The following MYO3B variants were observed in gnomAD, a reference collection of about 807,000 sequenced individuals.
The protein encoded by MYO3B is myosin-IIIb.
Under a neutral mutation model 174.6 loss-of-function variants are expected in MYO3B, and 156 were observed. The ratio of observed to expected loss-of-function variants is 0.89; its 90% CI spans 0.78 to 1.02. The LOEUF (loss-of-function observed/expected upper bound fraction) is 1.02, where lower values mean the gene tolerates loss of function less well. MYO3B is among the 50% of genes least tolerant of loss of function. MYO3B has a pLI of 0.00. For synonymous variants in MYO3B, 563 were observed against 569.1 expected, an observed-to-expected ratio of 0.99 and a Z score of 0.15; for missense variants, 1,632 against 1,639.4, an observed-to-expected ratio of 1.00 and a Z score of 0.08.
intron 29 of MYO3B, among the ~76,000 whole-genome samples, chr2:170,516,919 C>G (rs1225612801): frequency 4.6e-5 from 7 of 152,056 alleles, no homozygotes. Context: ...TTAACTCAAC[C>G]TATTCATACA....
rs566192976 is a variant in MYO3B at position 170,506,348 on chromosome 2, G to A, written c.3370+4483G>A. On this transcript the variant is annotated intron_variant, in intron 28 of 34. Transcript: ENST00000408978. ...TTTCTCCTAGCCTTTTCAAAAGGCT[G>A]TTTAAAAGGCTGTTTCCTTTAGCAT... Among the ~76,000 whole-genome samples the A allele has an allele frequency of 1.4e-4, 21 of 152,316 alleles. 1 individual carries two copies. In the South Asian group the frequency reaches 4.4e-3, roughly 32 times the overall value.
intron 3 of MYO3B, 88 bp from the exon 4 acceptor site, chr2:170,214,291 G>T (rs970678449): frequency 1.0e-6 from 1 of 1,001,206 alleles, no homozygotes; most frequent in Non-Finnish European, 1.5e-6. Flanking sequence ...CATTGAATCA[G>T]TATCAGTCGG....
chr2:170,335,648 T>G (rs1400275012), intron 8 of MYO3B, among the ~76,000 whole-genome samples, 198 bp downstream of exon 8: 1 of 152,228 alleles, frequency 6.6e-6, no homozygotes, highest in African/African-American at 2.4e-5. Flanking sequence ...TGACTCTCAG[T>G]TATAATAAGT....
intron 7 of MYO3B, among the ~76,000 whole-genome samples, chr2:170,257,364 A>G (rs1372423996): frequency 1.3e-5 from 2 of 152,278 alleles, no homozygotes; most frequent in African/African-American, 4.8e-5. Flanking sequence ...AAATTCAAAA[A>G]AATTGAAATA....
chr2:170,245,223 G>GT (rs1182935235), intron 7 of MYO3B, among the ~76,000 whole-genome samples: 1 of 152,170 alleles, frequency 6.6e-6, no homozygotes, highest in African/African-American at 2.4e-5. Context: ...CAATGTCTTA[G>GT]TCGTTAAAGG....
chr2:170,191,216 T>C lies in MYO3B; in HGVS notation c.3-7992T>C, dbSNP rs139772565. On this transcript the variant is annotated intron_variant, in intron 1 of 34. Transcript: ENST00000408978. ...CTGGTATCCAAGTTGCAAGACAAAGTCCTCTTTACTCTTCCCTCTCCTCTC... is the reference window on the plus strand; with the variant it reads ...CTGGTATCCAAGTTGCAAGACAAAGCCCTCTTTACTCTTCCCTCTCCTCTC... Among the ~76,000 whole-genome samples, 38 of 151,844 alleles carry C rather than the reference T, an allele frequency of 2.5e-4. No individual in the cohort carries two copies. In the East Asian group the frequency reaches 7.0e-3, roughly 28 times the overall value.
chr2:170,489,257 A>C (rs943466482), intron 25 of MYO3B, among the ~76,000 whole-genome samples: 1 of 152,210 alleles, frequency 6.6e-6, no homozygotes, highest in Non-Finnish European at 1.5e-5. Flanking sequence ...CTCAGGATCT[A>C]ATGTTTACTA....
chr2:170,312,653 T>C (rs2093747789), intron 7 of MYO3B, among the ~76,000 whole-genome samples: 1 of 152,272 alleles, frequency 6.6e-6, no homozygotes, highest in South Asian at 2.1e-4. Context: ...TAGAAATGTT[T>C]ATTTTGCAAT....
Position 170,259,290 on chromosome 2 carries a change from A to G in MYO3B, c.749+23154A>G, listed in dbSNP as rs72887573. Among the ~76,000 whole-genome samples the G allele has an allele frequency of 2.9e-3, 435 of 152,356 alleles. 5 individuals are homozygous for G. The highest frequency in any genetic ancestry group is 0.024 in the Middle Eastern group (7 of 294). ...AAGCAAAAAGAACACAGCCAGAGGC[A>G]TCACGTCACTCAACTTCAAACTATA... is the stretch of plus-strand genomic sequence containing the variant. On this transcript the variant is annotated intron_variant, in intron 7 of 34. Coordinates refer to ENST00000408978, the MANE Select transcript of MYO3B (RefSeq NM_138995.5).
chr2:170,332,125 T>A (rs997404613), intron 7 of MYO3B: 8 of 152,124 alleles, frequency 5.3e-5, no homozygotes, highest in African/African-American at 1.4e-4. Flanking sequence ...GGATATGGGG[T>A]TAAGGGAGAA....
intron 7 of MYO3B, among the ~76,000 whole-genome samples, chr2:170,239,528 A>G (rs1300331111): frequency 1.3e-5 from 2 of 152,230 alleles, no homozygotes; most frequent in Non-Finnish European, 2.9e-5. Flanking sequence ...GTCTCATCAC[A>G]CATTGAATAT....
chr2:170,230,647 CTTCT>C (rs933932729), intron 6 of MYO3B, among the ~76,000 whole-genome samples: 29 of 152,172 alleles, frequency 1.9e-4, no homozygotes, highest in African/African-American at 6.3e-4. Flanking sequence ...ATAAAATTCG[CTTCT>C]TTCTATTATA....
At chr2:170,403,867 C>T (rs113145161) in intron 19 of MYO3B, among the ~76,000 whole-genome samples, 2,115 of 152,258 alleles carry the variant, frequency 0.014, 62 homozygotes, top group African/African-American at 0.048. Flanking sequence ...AGTTTTCCAA[C>T]CCTAGATGAT....
At chr2:170,622,839 T>C (rs962982450) in intron 32 of MYO3B, among the ~76,000 whole-genome samples, 4 of 151,740 alleles carry the variant, frequency 2.6e-5, no homozygotes, top group Admixed American at 1.3e-4. Context: ...TTTTTGTCCT[T>C]GTGAGGGTTT....
intron 7 of MYO3B, among the ~76,000 whole-genome samples, chr2:170,330,923 T>C (rs1301138434): frequency 1.3e-5 from 2 of 152,228 alleles, no homozygotes; most frequent in Non-Finnish European, 1.5e-5. Flanking sequence ...TATTTTGTCA[T>C]ATCACCATTT....
At chr2:170,459,184 G>C (rs1209653176) in intron 23 of MYO3B, among the ~76,000 whole-genome samples, 1 of 152,202 alleles carries the variant, frequency 6.6e-6, no homozygotes, top group African/African-American at 2.4e-5. Flanking sequence ...AGCGTGGAAA[G>C]GGACCCCAGC....
intron 7 of MYO3B, among the ~76,000 whole-genome samples, chr2:170,298,435 G>A (rs1574740306): frequency 6.6e-6 from 1 of 152,134 alleles, no homozygotes; most frequent in African/African-American, 2.4e-5. Flanking sequence ...CCAACACTTT[G>A]GGAGGCCGAG....
chr2:170,634,943 G>C (rs563345580), intron 32 of MYO3B, among the ~76,000 whole-genome samples: 3 of 151,790 alleles, frequency 2.0e-5, no homozygotes, highest in Admixed American at 6.6e-5. Flanking sequence ...TTAGAATGGC[G>C]ATAATTAAAA....
At chr2:170,400,646 ACCCC>A (rs10590784) in intron 17 of MYO3B, among the ~76,000 whole-genome samples, 2 of 133,818 alleles carry the variant, frequency 1.5e-5, no homozygotes, top group African/African-American at 5.7e-5. Context: ...CTCATGATCC[ACCCC>A]CCCCCCCTCG....
Sources: allele counts gnomAD v4.1 joint callset (sites outside exome capture counted in the v4.1 genomes callset), GRCh38; gene constraint gnomAD v4.1.1; transcripts MANE v1.5; gene names NCBI Gene and HGNC (gene_info 2026-07-23, HGNC 2026-07-21).